The following ARHGAP6 variants were observed in gnomAD, a reference collection of about 807,000 sequenced individuals.
ARHGAP6 encodes Rho GTPase activating protein 6.
Under a neutral mutation model 55.7 loss-of-function variants are expected in ARHGAP6, and 16 were observed. The ratio of observed to expected loss-of-function variants is 0.29; its 90% CI spans 0.19 to 0.44. The LOEUF is 0.44. ARHGAP6 is among the 20% of genes least tolerant of loss of function. The pLI is 1.00. For synonymous variants in ARHGAP6, 382 were observed against 360.9 expected (o/e 1.06, Z -0.66); for missense variants, 698 against 808.9 (o/e 0.86, Z 1.66).
rs539924798 is a variant in ARHGAP6, at chrX:11,660,963, C to T, written c.588+3278G>A. On this transcript the variant is annotated intron_variant, in intron 1 of 12. Coordinates refer to ENST00000337414, the MANE Select transcript of ARHGAP6 (RefSeq NM_013427.3). ...GTATTCCCCCTATCAGTTAACTCAC[C>T]TGTCCCCTCATTAGACTATGAGCTC... Among the ~76,000 whole-genome samples, 10 of 111,826 alleles carry T rather than the reference C, an allele frequency of 8.9e-5. No individual in the cohort carries two copies. The South Asian group carries it at 1.9e-3, about 21-fold the overall frequency.
intron 2 of ARHGAP6, among the ~76,000 whole-genome samples, chrX:11,207,469 G>A (rs1302641520): frequency 8.9e-6 from 1 of 111,919 alleles, no homozygotes; most frequent in Non-Finnish European, 1.9e-5. Flanking sequence ...CAATAGAATG[G>A]CTGAAACAAA....
intron 1 of ARHGAP6, among the ~76,000 whole-genome samples, chrX:11,321,834 C>G (rs1327829339): frequency 8.9e-6 from 1 of 112,050 alleles, no homozygotes; most frequent in Non-Finnish European, 1.9e-5. Context: ...ACTATGTACC[C>G]ACAAACATTA....
intron 1 of ARHGAP6, among the ~76,000 whole-genome samples, chrX:11,558,407 T>C (rs2051344031): frequency 8.9e-6 from 1 of 112,027 alleles, no homozygotes; most frequent in South Asian, 3.8e-4. Flanking sequence ...GTAACACTTC[T>C]TCTTGGCAAA....
chrX:11,507,944 A>G (rs1424762074), intron 1 of ARHGAP6, among the ~76,000 whole-genome samples: 7 of 111,676 alleles, frequency 6.3e-5, no homozygotes, highest in African/African-American at 9.8e-5. Flanking sequence ...AGCCTCACCT[A>G]TGTTTTTGCA....
chrX:11,641,816 ATAGAAAG>A (rs1354558087), intron 1 of ARHGAP6, among the ~76,000 whole-genome samples: 2 of 111,763 alleles, frequency 1.8e-5, no homozygotes, highest in East Asian at 5.6e-4. Context: ...GGAAGGAAGC[ATAGAAAG>A]TACTAAAGCA....
intron 1 of ARHGAP6, among the ~76,000 whole-genome samples, chrX:11,553,006 G>GCTT (rs2051286192): frequency 1.3e-4 from 14 of 110,742 alleles, no homozygotes; most frequent in African/African-American, 4.6e-4. Flanking sequence ...AAGTATGTGA[G>GCTT]GTAATGCATA....
chrX:11,417,056 G>GTATATATA (rs2049756874), intron 1 of ARHGAP6, among the ~76,000 whole-genome samples: 2 of 37,920 alleles, frequency 5.3e-5, no homozygotes, highest in African/African-American at 1.1e-4. Flanking sequence ...ATATGGGTGT[G>GTATATATA]TACATATATA....
chrX:11,539,940 TGAAACAAAAC>T (rs767753755), intron 1 of ARHGAP6, among the ~76,000 whole-genome samples: 9 of 110,297 alleles, frequency 8.2e-5, no homozygotes, highest in African/African-American at 2.3e-4. Context: ...GGACAAAAAG[TGAAACAAAAC>T]AAAACAAAAC....
At chrX:11,413,353 G>A (rs975010831) in intron 1 of ARHGAP6, among the ~76,000 whole-genome samples, 2 of 112,389 alleles carry the variant, frequency 1.8e-5, no homozygotes, top group African/African-American at 3.2e-5. Flanking sequence ...AGGCCATGGT[G>A]TAGAGCTAAA....
At chrX:11,384,105 G>A (rs2049296067) in intron 1 of ARHGAP6, among the ~76,000 whole-genome samples, 1 of 111,508 alleles carries the variant, frequency 9.0e-6, no homozygotes, top group Non-Finnish European at 1.9e-5. Flanking sequence ...AACCATGTGA[G>A]AGAATTAAGA....
intron 1 of ARHGAP6, among the ~76,000 whole-genome samples, chrX:11,535,628 C>A (rs2051096670): frequency 9.0e-6 from 1 of 111,315 alleles, no homozygotes; most frequent in South Asian, 3.8e-4. Context: ...TATTTTTTCC[C>A]CATATTCCAT....
intron 2 of ARHGAP6, among the ~76,000 whole-genome samples, chrX:11,229,487 T>G (rs934897565): frequency 8.9e-6 from 1 of 112,084 alleles, no homozygotes; most frequent in African/African-American, 3.2e-5. Context: ...CAAGGTAAAT[T>G]ATGTAGGGTG....
intron 1 of ARHGAP6, among the ~76,000 whole-genome samples, chrX:11,569,179 T>C (rs1033865489): frequency 2.7e-5 from 3 of 111,170 alleles, no homozygotes; most frequent in Admixed American, 1.9e-4. Flanking sequence ...TCTGGAGACA[T>C]TTTTGGTTGT....
chrX:11,586,286 C>A (rs1440117828), intron 1 of ARHGAP6, among the ~76,000 whole-genome samples: 1 of 111,858 alleles, frequency 8.9e-6, no homozygotes, highest in Non-Finnish European at 1.9e-5. Flanking sequence ...GGTTGTCTTC[C>A]AGGACTTTTA....
At chrX:11,139,628 C>T in intron 12 of ARHGAP6, 98 bp from the exon 13 acceptor site, 1 of 927,330 alleles carries the variant, frequency 1.1e-6, no homozygotes, top group Non-Finnish European at 1.4e-6. Context: ...CTACGACGTC[C>T]CCCCGGACTT....
intron 2 of ARHGAP6, among the ~76,000 whole-genome samples, chrX:11,218,181 T>C (rs1271661615): frequency 8.9e-6 from 1 of 112,056 alleles, no homozygotes; most frequent in Non-Finnish European, 1.9e-5. Context: ...CTTAGGATTA[T>C]CTTGGCTATA....
In ARHGAP6 at chrX:11,174,582, C is replaced by CTT. The variant is rs777737102; in HGVS notation, c.1629+3516_1629+3517dup. 1.3e-3 allele frequency among the ~76,000 whole-genome samples: 118 copies of CTT among 88,198 alleles called. 1 individual carries two copies. The highest frequency in any genetic ancestry group is 2.2e-3 in the African/African-American group (53 of 23,582). The allele number at this position is 88,198 out of a possible 115,157, so 76.6% of individuals were successfully genotyped here. A position where few individuals can be genotyped will look rare whatever the true frequency, so the allele number is the denominator to read the frequency against. The stretch of plus-strand genomic sequence containing the variant: ...CCTTCCTTCCTTCCTTCCTTTCTTT[C>CTT]TTTCTTTCTTTTTCTTTCTTTCTTT... On this transcript the variant is annotated intron_variant, in intron 8 of 12. Transcript: ENST00000337414.
chrX:11,553,636 T>C (rs2051292902), intron 1 of ARHGAP6, among the ~76,000 whole-genome samples: 1 of 112,085 alleles, frequency 8.9e-6, no homozygotes, highest in Admixed American at 9.5e-5. Flanking sequence ...ATTTTTACTC[T>C]TGAAGCAATT....
chrX:11,346,795 C>T (rs1002194739), intron 1 of ARHGAP6, among the ~76,000 whole-genome samples: 2 of 107,131 alleles, frequency 1.9e-5, no homozygotes, highest in Admixed American at 2.0e-4. Context: ...AACAAGTGGA[C>T]AAAATAAAAA....
Sources: allele counts gnomAD v4.1 joint callset (sites outside exome capture counted in the v4.1 genomes callset), GRCh38; gene constraint gnomAD v4.1.1; transcripts MANE v1.5; gene names NCBI Gene and HGNC (gene_info 2026-07-23, HGNC 2026-07-21).